ABHD18: variants seen among roughly 807,000 people sequenced by gnomAD.
ABHD18 encodes the protein cardiolipin-specific deacylase, mitochondrial.
A neutral mutation model predicts 65.9 loss-of-function variants in ABHD18; 55 were observed. The ratio of observed to expected loss-of-function variants is 0.84; its 90% CI spans 0.67 to 1.05. The LOEUF (loss-of-function observed/expected upper bound fraction) is 1.05. ABHD18 is among the 50% of genes least tolerant of loss of function. ABHD18 has a pLI of 0.00. For missense variants in ABHD18, 533 were observed against 558.5 expected (o/e 0.95, Z 0.46); for synonymous variants, 181 against 180.2 (o/e 1.00, Z -0.04).
intron 4 of ABHD18, among the ~76,000 whole-genome samples, chr4:127,997,424 GA>G (rs1269757953): frequency 3.3e-5 from 5 of 151,996 alleles, no homozygotes; most frequent in African/African-American, 1.2e-4. Context: ...TTTTAAAAAG[GA>G]AAAAAAGTAA....
In ABHD18 at chr4:128,035,795, C is replaced by A; in HGVS notation, c.1377C>A (p.Leu459=). The part of the protein sequence containing the change: ...QAIYDAFDRF[L]HKYAN ...TCTATGATGCATTTGACCGCTTCCT[C>A]CATAAATACGCTAACTAGTTGGATT... Residue 459 remains leucine (L), a synonymous_variant, in exon 13 of 13, where the codon CTC becomes CTA. Coordinates refer to ENST00000645843, the MANE Select transcript of ABHD18 (RefSeq NM_001358451.3). 6.5e-7 allele frequency: 1 copy of A among 1,536,968 alleles called. No homozygotes were observed. Among genetic ancestry groups the A allele is most frequent in the Non-Finnish European group, 8.8e-7 (1 of 1,137,388 alleles).
Position 127,989,788 on chromosome 4 carries a change from C to G in ABHD18, c.245C>G (p.Pro82Arg). ...GTTTCCCCCATGGCTCACTATGTGC[C>G]TGATATCATGCCAATTGAATCTGTT... ...HFVSPMAHYVPDIMPIESVIA... is the reference protein window; with the variant it reads ...HFVSPMAHYVRDIMPIESVIA... Residue 82 changes from proline to arginine, a missense_variant, in exon 4 of 13, where the codon CCT (proline) becomes CGT (arginine). By Grantham distance (103) the Pro-to-Arg change is moderately radical. This residue lies in a region of ABHD18 where 309 missense variants were observed against 313.5 expected (regional missense o/e 0.99). Coordinates refer to ENST00000645843, the MANE Select transcript of ABHD18 (RefSeq NM_001358451.3). 6.3e-7 allele frequency: 1 copy of G among 1,598,670 alleles called. No homozygotes were observed. The highest frequency in any genetic ancestry group is 1.1e-5 in the South Asian group (1 of 87,734).
chr4:128,011,819 G>GT, intron 7 of ABHD18, 119 bp downstream of exon 7: 2 of 407,960 alleles, frequency 4.9e-6, no homozygotes, highest in South Asian at 4.2e-5. Context: ...ATGGGGGGGG[G>GT]GAGTTCTGTT....
At chr4:128,002,801 G>A (rs769694798) in intron 4 of ABHD18, among the ~76,000 whole-genome samples, 1 of 149,344 alleles carries the variant, frequency 6.7e-6, no homozygotes, top group Non-Finnish European at 1.5e-5. Context: ...GTGCCACCAC[G>A]CCTGGCTAAT....
chr4:128,020,081 T>C lies in ABHD18; in HGVS notation c.611T>C (p.Met204Thr), dbSNP rs202204733. 2.6e-4 allele frequency: 411 copies of C among 1,608,780 alleles called. No individual in the cohort carries two copies. Among genetic ancestry groups the C allele is most frequent in the Admixed American group, 4.7e-4 (28 of 59,844 alleles). Reference protein sequence around the residue: ...GMTGISMGGHMASLAVSNWPK... With the variant: ...GMTGISMGGHTASLAVSNWPK... Reference sequence around the variant, plus strand: ...CGCTCTCTATCTGTTATATTACAGATGGCTTCCTTAGCGGTATCCAACTGG... The same window carrying C: ...CGCTCTCTATCTGTTATATTACAGACGGCTTCCTTAGCGGTATCCAACTGG... The change falls in exon 9 of 13, where the codon ATG (methionine) becomes ACG (threonine). Residue 204 changes from methionine (M) to threonine (T), a missense_variant and splice_region_variant. Transcript: ENST00000645843.
In ABHD18 at chr4:127,977,763, T is replaced by C. The variant is rs184538802; in HGVS notation, c.-17-5176T>C. On this transcript the variant is annotated intron_variant, in intron 1 of 12. Coordinates refer to ENST00000645843, the MANE Select transcript of ABHD18 (RefSeq NM_001358451.3). ...CAAAACTTGCAGGACAGAAGAAACA[T>C]TTAGAATAAATTTTTTTTTTATGAA... Among the ~76,000 whole-genome samples the C allele has an allele frequency of 8.3e-4, 125 of 150,942 alleles. No individual in the cohort carries two copies. The Middle Eastern group carries it at 0.01, about 12-fold the overall frequency.
At chr4:128,017,210 G>A (rs1324957928) in intron 7 of ABHD18, 153 bp from the exon 8 acceptor site, 8 of 689,356 alleles carry the variant, frequency 1.2e-5, no homozygotes, top group Admixed American at 2.9e-5. Context: ...AAGCCATCAC[G>A]CCTGGCCCTA....
intron 1 of ABHD18, among the ~76,000 whole-genome samples, chr4:127,976,859 C>G (rs1169138474): frequency 3.3e-5 from 5 of 151,970 alleles, no homozygotes; most frequent in African/African-American, 1.2e-4. Flanking sequence ...GGCTAACACG[C>G]TGAAACCCCG....
intron 12 of ABHD18, among the ~76,000 whole-genome samples, chr4:128,034,782 C>G (rs1243060464): frequency 6.6e-6 from 1 of 152,022 alleles, no homozygotes; most frequent in Non-Finnish European, 1.5e-5. Context: ...TCCCGAGTAG[C>G]TGGGATTATA....
At chr4:128,029,642 G>A (rs147171807) in intron 11 of ABHD18, among the ~76,000 whole-genome samples, 2,840 of 152,232 alleles carry the variant, frequency 0.019, 44 homozygotes, top group Middle Eastern at 0.068. Flanking sequence ...TGGCCAACAT[G>A]GTGAAACCTC....
chr4:128,010,867 T>A (rs1212220565), intron 6 of ABHD18, among the ~76,000 whole-genome samples: 1 of 142,342 alleles, frequency 7.0e-6, no homozygotes, highest in African/African-American at 2.7e-5. Context: ...GTGAGCCGCC[T>A]GCACTCCAGC....
intron 3 of ABHD18, among the ~76,000 whole-genome samples, chr4:127,986,513 G>A (rs1749984119): frequency 6.6e-6 from 1 of 152,172 alleles, no homozygotes. Flanking sequence ...TATAAATAAT[G>A]CTGCTATGAA....
chr4:128,005,171 G>A (rs923290129), intron 4 of ABHD18, among the ~76,000 whole-genome samples: 1 of 152,246 alleles, frequency 6.6e-6, no homozygotes, highest in African/African-American at 2.4e-5. Context: ...GGAGGTTGCA[G>A]TGAGCTGTGA....
rs931627874 is a variant in ABHD18, at chr4:128,037,824, A to G, written c.*2011A>G. 2.0e-4 allele frequency: 29 copies of G among 145,408 alleles called. No individual in the cohort carries two copies. The highest frequency in any genetic ancestry group is 6.0e-5 in the Non-Finnish European group (4 of 66,566). 9.0% of individuals were successfully genotyped at this position (145,408 alleles called of 1,614,324 possible). A position where few individuals can be genotyped will look rare whatever the true frequency, so the allele number is the denominator to read the frequency against. On this transcript the variant is annotated 3_prime_UTR_variant, in exon 13 of 13. Transcript: ENST00000645843. ...GAAAATATTTAAAGTTTTATGTAAT[A>G]GCTATTAACTCTCTTAAATGGGGTT...
chr4:128,008,994 A>G lies in ABHD18; in HGVS notation c.353A>G (p.Asp118Gly). The change falls in exon 5 of 13, where the codon GAT becomes GGT. Residue 118 changes from aspartate to glycine, a missense_variant. Coordinates refer to ENST00000645843, the MANE Select transcript of ABHD18 (RefSeq NM_001358451.3). ...PVCIHLAGTG[D>G]HHYWRRRTLM... ...TGCATTCATCTTGCTGGAACAGGAG[A>G]TCATGTAAGACTTTATTATAATGCC... The G allele has an allele frequency of 6.2e-7, 1 of 1,609,902 alleles. No homozygotes were observed. The highest frequency in any genetic ancestry group is 8.5e-7 in the Non-Finnish European group (1 of 1,178,518).
At chr4:128,023,439 G>A (rs960350602) in intron 10 of ABHD18, among the ~76,000 whole-genome samples, 12 of 144,058 alleles carry the variant, frequency 8.3e-5, no homozygotes, top group Admixed American at 2.8e-4. Flanking sequence ...AAAAAAGCTG[G>A]GCATGGTGGT....
intron 3 of ABHD18, among the ~76,000 whole-genome samples, chr4:127,989,469 A>G (rs1750553110): frequency 6.6e-6 from 1 of 152,308 alleles, no homozygotes; most frequent in East Asian, 1.9e-4. Flanking sequence ...CAGGTGATGG[A>G]TACCCCAATT....
intron 7 of ABHD18, among the ~76,000 whole-genome samples, chr4:128,013,614 C>T (rs1024095267): frequency 1.3e-5 from 2 of 151,730 alleles, no homozygotes; most frequent in Non-Finnish European, 2.9e-5. Flanking sequence ...AGGAGAATGG[C>T]GTGAACCCAG....
chr4:127,981,944 T>C (rs1749132225), intron 1 of ABHD18, among the ~76,000 whole-genome samples: 1 of 152,156 alleles, frequency 6.6e-6, no homozygotes, highest in African/African-American at 2.4e-5. Context: ...AAAGACTTGG[T>C]TTTGCTAGTC....
Sources: gnomAD v4.1 joint callset for allele counts (sites outside exome capture counted in the v4.1 genomes callset) on GRCh38, gnomAD v4.1.1 for gene constraint, gnomAD v4.1.1 regional missense constraint, MANE v1.5 for transcripts, NCBI Gene and HGNC (gene_info 2026-07-23, HGNC 2026-07-21) for gene names.